NEXMIF: variants seen among roughly 807,000 people sequenced by gnomAD.
NEXMIF encodes the protein neurite extension and migration factor, also known as XLMR protein related to neurite extension.
NEXMIF carries 8 observed loss-of-function variants against 62.1 expected under a neutral mutation model. The ratio of observed to expected loss-of-function variants is 0.13; its 90% confidence interval spans 0.08 to 0.23. The LOEUF (loss-of-function observed/expected upper bound fraction) is 0.23, where lower values mean the gene tolerates loss of function less well. NEXMIF is among the 10% of genes least tolerant of loss of function. NEXMIF has a pLI of 1.00. For synonymous variants in NEXMIF, 404 were observed against 416.6 expected, an observed-to-expected ratio of 0.97 and a Z score of 0.37; for missense variants, 976 against 1,113.3, an observed-to-expected ratio of 0.88 and a Z score of 1.75.
intron 1 of NEXMIF, among the ~76,000 whole-genome samples, chrX:74,786,978 G>A (rs1287806377): frequency 4.5e-5 from 5 of 110,064 alleles, no homozygotes; most frequent in Non-Finnish European, 9.5e-5. Context: ...TTGAAGCTAT[G>A]GGCCGGGCAC....
At chrX:74,909,342 G>C (rs750012515) in intron 1 of NEXMIF, among the ~76,000 whole-genome samples, 1 of 111,839 alleles carries the variant, frequency 8.9e-6, no homozygotes, top group South Asian at 3.8e-4. Context: ...GAGCAAAGGT[G>C]ACCCTTGTTA....
chrX:74,862,561 C>T (rs1273236111), intron 1 of NEXMIF, among the ~76,000 whole-genome samples: 1 of 111,514 alleles, frequency 9.0e-6, no homozygotes, highest in East Asian at 2.8e-4. Context: ...ATGGCGTTTA[C>T]TCTAAAATTG....
At chrX:74,813,512 A>G (rs2080366918) in intron 1 of NEXMIF, among the ~76,000 whole-genome samples, 1 of 112,261 alleles carries the variant, frequency 8.9e-6, no homozygotes, top group Admixed American at 9.5e-5. Context: ...GACAATGGGT[A>G]AAGTTGAAAC....
At chrX:74,749,965 C>T (rs2080137082) in intron 1 of NEXMIF, among the ~76,000 whole-genome samples, 1 of 111,477 alleles carries the variant, frequency 9.0e-6, no homozygotes, top group African/African-American at 3.3e-5. Context: ...TAGGTACAAA[C>T]AAGAAAATAT....
rs1306340385 is a variant in NEXMIF at position 74,750,855 on chromosome X, C to T, written c.-47-5158G>A. ...GAAAGACATCAAGAAGAGATTACTACAGCTACACTGTAAAGAATTCTATAT... is the reference window on the plus strand; with the variant it reads ...GAAAGACATCAAGAAGAGATTACTATAGCTACACTGTAAAGAATTCTATAT... On this transcript the variant is annotated intron_variant, in intron 1 of 3. Coordinates refer to ENST00000055682, the MANE Select transcript of NEXMIF (RefSeq NM_001008537.3). 2.7e-5 allele frequency among the ~76,000 whole-genome samples: 3 copies of T among 111,810 alleles called. No individual in the cohort carries two copies. The East Asian group carries it at 8.4e-4, about 31-fold the overall frequency.
At chrX:74,914,284 T>G (rs903069124) in intron 1 of NEXMIF, among the ~76,000 whole-genome samples, 1 of 112,228 alleles carries the variant, frequency 8.9e-6, no homozygotes, top group South Asian at 3.7e-4. Context: ...TTTAAAAAAC[T>G]AAAACATACA....
intron 1 of NEXMIF, among the ~76,000 whole-genome samples, chrX:74,775,080 T>C: frequency 9.0e-6 from 1 of 111,669 alleles, no homozygotes; most frequent in East Asian, 2.8e-4. Context: ...CTGACCCACG[T>C]TGTTTTTTCC....
chrX:74,910,288 A>T (rs780310737), intron 1 of NEXMIF, among the ~76,000 whole-genome samples: 2 of 112,647 alleles, frequency 1.8e-5, no homozygotes, highest in East Asian at 5.6e-4. Context: ...TACCTCTTGC[A>T]TCAGCGTGAC....
At chrX:74,896,654 G>C (rs1028363014) in intron 1 of NEXMIF, among the ~76,000 whole-genome samples, 3 of 111,947 alleles carry the variant, frequency 2.7e-5, no homozygotes, top group African/African-American at 9.7e-5. Context: ...AATGAGCAGA[G>C]ACAGCCCAGG....
At chrX:74,888,862 T>A (rs1399073760) in intron 1 of NEXMIF, among the ~76,000 whole-genome samples, 1 of 111,592 alleles carries the variant, frequency 9.0e-6, no homozygotes, top group Non-Finnish European at 1.9e-5. Context: ...AATTCCTATA[T>A]ATACTCAGTT....
At chrX:74,883,942 G>T (rs2080678100) in intron 1 of NEXMIF, among the ~76,000 whole-genome samples, 1 of 112,322 alleles carries the variant, frequency 8.9e-6, no homozygotes, top group South Asian at 3.7e-4. Context: ...ACTAACAGCG[G>T]ATCTCTCTGC....
intron 1 of NEXMIF, among the ~76,000 whole-genome samples, chrX:74,872,738 T>G (rs1012956345): frequency 2.7e-5 from 3 of 109,774 alleles, no homozygotes; most frequent in African/African-American, 6.6e-5. Context: ...TATACCCTGA[T>G]GTGGTTATTA....
intron 1 of NEXMIF, among the ~76,000 whole-genome samples, chrX:74,885,493 C>T (rs2080688140): frequency 1.8e-5 from 2 of 111,742 alleles, no homozygotes; most frequent in Admixed American, 1.9e-4. Flanking sequence ...GAAATACAAA[C>T]TACCATCAGA....
intron 1 of NEXMIF, among the ~76,000 whole-genome samples, chrX:74,857,911 G>C (rs868760272): frequency 8.9e-6 from 1 of 112,226 alleles, no homozygotes; most frequent in Non-Finnish European, 1.9e-5. Flanking sequence ...AAGCCATGGA[G>C]TGAGTCTCTT....
chrX:74,820,024 C>T (rs1389884577), intron 1 of NEXMIF, among the ~76,000 whole-genome samples: 1 of 111,353 alleles, frequency 9.0e-6, no homozygotes, highest in Non-Finnish European at 1.9e-5. Flanking sequence ...AGGATGAGTT[C>T]ATGTCCTTTG....
intron 1 of NEXMIF, among the ~76,000 whole-genome samples, chrX:74,772,757 A>G (rs1241756565): frequency 8.9e-6 from 1 of 112,287 alleles, no homozygotes; most frequent in East Asian, 2.8e-4. Context: ...TATATTAGTC[A>G]TTAAGGCTTT....
At chrX:74,834,310 T>C (rs1019581923) in intron 1 of NEXMIF, among the ~76,000 whole-genome samples, 1 of 111,442 alleles carries the variant, frequency 9.0e-6, no homozygotes, top group Non-Finnish European at 1.9e-5. Flanking sequence ...CATCATTTCA[T>C]CTTTCTACTT....
At chrX:74,783,381 A>T (rs2080251942) in intron 1 of NEXMIF, among the ~76,000 whole-genome samples, 1 of 111,692 alleles carries the variant, frequency 9.0e-6, no homozygotes, top group Non-Finnish European at 1.9e-5. Context: ...AAACCTGCCA[A>T]ATACTTTATT....
chrX:74,892,291 A>G (rs2080720291), intron 1 of NEXMIF, among the ~76,000 whole-genome samples: 1 of 112,326 alleles, frequency 8.9e-6, no homozygotes, highest in Non-Finnish European at 1.9e-5. Context: ...AAACCTGACA[A>G]GGGAAAAGAG....
Sources: gnomAD v4.1 joint callset for allele counts (sites outside exome capture counted in the v4.1 genomes callset) on GRCh38, gnomAD v4.1.1 for gene constraint, MANE v1.5 for transcripts, NCBI Gene and HGNC (gene_info 2026-07-23, HGNC 2026-07-21) for gene names.